The following SMURF2 variants were observed in gnomAD, a reference collection of about 807,000 sequenced individuals.
The protein encoded by SMURF2 is E3 ubiquitin-protein ligase SMURF2.
Under a neutral mutation model 109.6 loss-of-function variants are expected in SMURF2, and 48 were observed. The ratio of observed to expected loss-of-function variants is 0.44; its 90% CI spans 0.35 to 0.56. The LOEUF is 0.56. SMURF2 is among the 20% of genes least tolerant of loss of function. The probability of loss-of-function intolerance (pLI) is 0.01; values close to 1 mark genes in which losing one functional copy is unlikely to be tolerated. For missense variants in SMURF2, 575 were observed against 909.0 expected (o/e 0.63, Z 4.72); for synonymous variants, 288 against 317.1 (o/e 0.91, Z 0.97).
chr17:64,587,851 A>G (rs1969684402), intron 5 of SMURF2, among the ~76,000 whole-genome samples: 1 of 152,150 alleles, frequency 6.6e-6, no homozygotes, highest in East Asian at 1.9e-4. Context: ...TAGTAGAAAC[A>G]ATGTATTTTC....
intron 1 of SMURF2, among the ~76,000 whole-genome samples, chr17:64,611,429 C>T (rs564109367): frequency 1.3e-5 from 2 of 152,144 alleles, no homozygotes; most frequent in African/African-American, 2.4e-5. Flanking sequence ...AATATGCGTT[C>T]CCCCCAAAAA....
At chr17:64,651,573 GAA>G (rs199534087) in intron 1 of SMURF2, among the ~76,000 whole-genome samples, 2 of 112,530 alleles carry the variant, frequency 1.8e-5, no homozygotes, top group Admixed American at 1.8e-4. Context: ...CCCTACCTCA[GAA>G]AAAAAAAAAA....
In SMURF2 at chr17:64,561,325, G is replaced by A. The variant is rs1175693169; in HGVS notation, c.1316+175C>T. The stretch of plus-strand genomic sequence containing the variant: ...CTGGGGAGTTCCAGAATACTTGTCC[G>A]GTAGCAGTGCCACCCTAACCTCATT... On this transcript the variant is annotated intron_variant, in intron 12 of 18. Transcript: ENST00000262435. 2.6e-5 allele frequency among the ~76,000 whole-genome samples: 4 copies of A among 152,152 alleles called. No individual in the cohort carries two copies. In the East Asian group the frequency reaches 5.8e-4, roughly 22 times the overall value.
At chr17:64,653,047 A>G (rs1555693650) in intron 1 of SMURF2, among the ~76,000 whole-genome samples, 3 of 151,658 alleles carry the variant, frequency 2.0e-5, no homozygotes, top group African/African-American at 4.8e-5. Flanking sequence ...CAAAAGAAAA[A>G]CACTGATAAA....
intron 13 of SMURF2, among the ~76,000 whole-genome samples, chr17:64,556,683 C>T (rs1969124393): frequency 6.6e-6 from 1 of 152,270 alleles, no homozygotes; most frequent in South Asian, 2.1e-4. Flanking sequence ...AGAACCTTCA[C>T]CTCAAAATCC....
intron 1 of SMURF2, among the ~76,000 whole-genome samples, chr17:64,655,780 A>T (rs910266160): frequency 2.6e-5 from 4 of 152,162 alleles, no homozygotes; most frequent in Non-Finnish European, 5.9e-5. Flanking sequence ...CTGTAATCCC[A>T]GCTACTAGGG....
chr17:64,629,739 G>A (rs782496498), intron 1 of SMURF2, among the ~76,000 whole-genome samples: 5 of 152,082 alleles, frequency 3.3e-5, no homozygotes, highest in Non-Finnish European at 7.4e-5. Context: ...CAGTGGATTG[G>A]CAAATAAATT....
At chr17:64,636,379 G>A (rs1384746055) in intron 1 of SMURF2, among the ~76,000 whole-genome samples, 1 of 152,004 alleles carries the variant, frequency 6.6e-6, no homozygotes, top group African/African-American at 2.4e-5. Context: ...GAGGTTGGTG[G>A]ATCACCTGAG....
At chr17:64,567,853 CT>C (rs1173742917) in intron 10 of SMURF2, among the ~76,000 whole-genome samples, 67 of 112,174 alleles carry the variant, frequency 6.0e-4, no homozygotes, top group Middle Eastern at 4.5e-3. Flanking sequence ...CCACACCTGG[CT>C]TTTTTTTTTT....
intron 12 of SMURF2, among the ~76,000 whole-genome samples, chr17:64,561,194 A>C (rs1455127729): frequency 2.0e-5 from 3 of 152,150 alleles, no homozygotes; most frequent in Admixed American, 6.5e-5. Flanking sequence ...ATATCATTTA[A>C]ATCTCAAAAC....
At chr17:64,645,620 T>G (rs1970548828) in intron 1 of SMURF2, among the ~76,000 whole-genome samples, 1 of 152,196 alleles carries the variant, frequency 6.6e-6, no homozygotes, top group Non-Finnish European at 1.5e-5. Flanking sequence ...AGAGAATAAT[T>G]GGACATGCAT....
At chr17:64,656,572 G>C (rs1970708384) in intron 1 of SMURF2, among the ~76,000 whole-genome samples, 1 of 151,940 alleles carries the variant, frequency 6.6e-6, no homozygotes, top group Non-Finnish European at 1.5e-5. Context: ...GTAAGAAGCA[G>C]CCTAAAGGAA....
At chr17:64,574,439 G>A (rs782379740) in intron 9 of SMURF2, among the ~76,000 whole-genome samples, 26 of 152,286 alleles carry the variant, frequency 1.7e-4, no homozygotes, top group South Asian at 1.2e-3. Flanking sequence ...AAAACATGAT[G>A]AAATGAGATT....
chr17:64,614,862 C>T (rs538595307), intron 1 of SMURF2, among the ~76,000 whole-genome samples: 119 of 152,302 alleles, frequency 7.8e-4, no homozygotes, highest in African/African-American at 2.6e-3. Context: ...AATTCAAATA[C>T]CATGTCATAA....
chr17:64,603,583 G>GA (rs75365686), intron 2 of SMURF2, among the ~76,000 whole-genome samples: 1,613 of 120,260 alleles, frequency 0.013, 23 homozygotes, highest in African/African-American at 0.034. Context: ...TCCGTCGGGG[G>GA]AAAAAAAAAA....
chr17:64,599,136 T>C (rs1185696992), intron 2 of SMURF2, among the ~76,000 whole-genome samples: 1 of 152,212 alleles, frequency 6.6e-6, no homozygotes, highest in East Asian at 1.9e-4. Context: ...TTAGGTACTA[T>C]TCTAAATACA....
At chr17:64,660,647 A>C (rs1351815674) in intron 1 of SMURF2, 5 of 152,342 alleles carry the variant, frequency 3.3e-5, no homozygotes, top group Admixed American at 2.6e-4. Flanking sequence ...AGTCCAAATA[A>C]ATCTCAAAGT....
chr17:64,566,877 A>T (rs1555685065), intron 10 of SMURF2, among the ~76,000 whole-genome samples: 1 of 122,246 alleles, frequency 8.2e-6, no homozygotes, highest in African/African-American at 3.2e-5. Flanking sequence ...GCTGACAGAG[A>T]GTTTTTTTTT....
Position 64,545,765 on chromosome 17 carries a change from AGC to A in SMURF2, c.*81_*82del. On this transcript the variant is annotated 3_prime_UTR_variant, in exon 19 of 19. Coordinates refer to ENST00000262435, the MANE Select transcript of SMURF2 (RefSeq NM_022739.4). The stretch of plus-strand genomic sequence containing the variant: ...GGGGGGGAGTGTTTTCCTGTATTTC[AGC>A]ATATTCTTTGAAACTCTGCTGAAAG... The A allele has an allele frequency of 1.9e-6, 1 of 514,800 alleles. No individual in the cohort carries two copies. The highest frequency in any genetic ancestry group is 3.4e-6 in the Non-Finnish European group (1 of 290,458). 31.9% of individuals were successfully genotyped at this position (514,800 alleles called of 1,614,324 possible). A position where few individuals can be genotyped will look rare whatever the true frequency, so the allele number is the denominator to read the frequency against.
Sources: gnomAD v4.1 joint callset for allele counts (sites outside exome capture counted in the v4.1 genomes callset) on GRCh38, gnomAD v4.1.1 for gene constraint, MANE v1.5 for transcripts, NCBI Gene and HGNC (gene_info 2026-07-23, HGNC 2026-07-21) for gene names.